The following ASTN2 variants were observed in gnomAD, a reference collection of about 807,000 sequenced individuals.
ASTN2 encodes the protein astrotactin 2, also known as astrotactin-2.
Under a neutral mutation model 139.8 loss-of-function variants are expected in ASTN2, and 54 were observed. The observed-to-expected ratio is 0.39, with a 90% CI of 0.31 to 0.48. The LOEUF (loss-of-function observed/expected upper bound fraction) is 0.48, where lower values mean the gene tolerates loss of function less well. ASTN2 is among the 20% of genes least tolerant of loss of function. The pLI, the probability that ASTN2 is intolerant of heterozygous loss-of-function variation, is 0.95. For missense variants in ASTN2, 1,565 were observed against 1,725.1 expected, an observed-to-expected ratio of 0.91 and a Z score of 1.64; for synonymous variants, 756 against 719.5, an observed-to-expected ratio of 1.05 and a Z score of -0.81.
chr9:116,731,188 TAATAA>T (rs1370134476), intron 14 of ASTN2, among the ~76,000 whole-genome samples: 1 of 25,672 alleles, frequency 3.9e-5, no homozygotes, highest in Non-Finnish European at 8.1e-5. Context: ...GTAATAATAA[TAATAA>T]TAATAATAAT....
chr9:116,815,342 G>T (rs942139233), intron 12 of ASTN2, among the ~76,000 whole-genome samples: 1 of 152,240 alleles, frequency 6.6e-6, no homozygotes, highest in African/African-American at 2.4e-5. Context: ...GGCTGGATGT[G>T]TTATTTGAGC....
At chr9:117,384,473 C>A (rs945620000) in intron 1 of ASTN2, among the ~76,000 whole-genome samples, 3 of 152,152 alleles carry the variant, frequency 2.0e-5, no homozygotes, top group African/African-American at 7.2e-5. Flanking sequence ...TGATACGAGT[C>A]CCTTCCCACC....
intron 4 of ASTN2, among the ~76,000 whole-genome samples, chr9:117,140,990 C>T (rs1025408715): frequency 2.6e-5 from 4 of 152,178 alleles, no homozygotes; most frequent in African/African-American, 9.7e-5. Context: ...GAATGTTCTG[C>T]CACTTTGTAC....
chr9:116,855,773 C>T (rs1832723540), intron 11 of ASTN2, among the ~76,000 whole-genome samples: 2 of 152,144 alleles, frequency 1.3e-5, no homozygotes. Flanking sequence ...TACTTTCTGA[C>T]TCTATTTCCT....
In ASTN2 at chr9:117,094,214, G is replaced by A. The variant is rs373509066; in HGVS notation, c.1276+1830C>T. On this transcript the variant is annotated intron_variant, in intron 5 of 22. Transcript: ENST00000313400. Reference sequence around the variant, plus strand: ...GAGGAGAGGAGAGGAGAGGAGAGGAGAGGAAAGGAAAGAGGGAAGAAGGGA... The same window carrying A: ...GAGGAGAGGAGAGGAGAGGAGAGGAAAGGAAAGGAAAGAGGGAAGAAGGGA... Among the ~76,000 whole-genome samples the A allele has an allele frequency of 6.2e-3, 551 of 88,260 alleles. 4 individuals are homozygous for A. Among genetic ancestry groups the A allele is most frequent in the African/African-American group, 0.018 (472 of 26,768 alleles). The allele number at this position is 88,260 out of a possible 152,430, so 57.9% of individuals were successfully genotyped here. A position where few individuals can be genotyped will look rare whatever the true frequency, so the allele number is the denominator to read the frequency against.
chr9:116,648,090 C>A (rs945689912), intron 17 of ASTN2, among the ~76,000 whole-genome samples: 4 of 151,790 alleles, frequency 2.6e-5, no homozygotes, highest in African/African-American at 9.7e-5. Flanking sequence ...GAACCACTGC[C>A]TCTCGGGTTC....
chr9:116,423,344 A>G lies in ASTN2; in HGVS notation c.*2507T>C, dbSNP rs16933531. Among the ~76,000 whole-genome samples the G allele has an allele frequency of 2.6e-3, 390 of 152,330 alleles. No individual in the cohort carries two copies. Among genetic ancestry groups the G allele is most frequent in the African/African-American group, 8.8e-3 (365 of 41,590 alleles). ...GACCAGCATTGACTCCACTTTGTTG[A>G]TGAGAAACCTGATGTCAAGTTACTC... is the stretch of plus-strand genomic sequence containing the variant. On this transcript the variant is annotated 3_prime_UTR_variant, in exon 23 of 23. Coordinates refer to ENST00000313400, the MANE Select transcript of ASTN2 (RefSeq NM_001365068.1).
At chr9:117,305,810 A>G (rs577525576) in intron 1 of ASTN2, among the ~76,000 whole-genome samples, 1 of 152,350 alleles carries the variant, frequency 6.6e-6, no homozygotes, top group South Asian at 2.1e-4. Context: ...CATTCCCATG[A>G]CTTAAGGATA....
intron 10 of ASTN2, among the ~76,000 whole-genome samples, chr9:116,938,005 T>C (rs973297565): frequency 6.6e-6 from 1 of 152,210 alleles, no homozygotes; most frequent in East Asian, 1.9e-4. Flanking sequence ...CTTTGTGAGA[T>C]AGGCATTGAT....
chr9:117,001,741 C>A (rs956447817), intron 7 of ASTN2, among the ~76,000 whole-genome samples: 1 of 152,158 alleles, frequency 6.6e-6, no homozygotes, highest in African/African-American at 2.4e-5. Context: ...CTCCTGAAAT[C>A]CCCATCTAGA....
intron 11 of ASTN2, among the ~76,000 whole-genome samples, chr9:116,845,364 C>T (rs1414102585): frequency 6.6e-6 from 1 of 152,114 alleles, no homozygotes; most frequent in Non-Finnish European, 1.5e-5. Flanking sequence ...CGTGATCCGC[C>T]CGCCTCGGCC....
chr9:117,399,278 TG>T (rs1163438316), intron 1 of ASTN2, among the ~76,000 whole-genome samples: 3 of 152,254 alleles, frequency 2.0e-5, no homozygotes, highest in East Asian at 1.9e-4. Context: ...ATAACTGTTT[TG>T]GGGGGAGCCA....
At chr9:116,691,015 G>C (rs1860539416) in intron 16 of ASTN2, among the ~76,000 whole-genome samples, 1 of 152,194 alleles carries the variant, frequency 6.6e-6, no homozygotes, top group African/African-American at 2.4e-5. Flanking sequence ...AACCTCCTAG[G>C]CTCAAGTGAT....
At chr9:117,412,946 TTGTG>T (rs1472450612) in intron 1 of ASTN2, among the ~76,000 whole-genome samples, 1 of 151,988 alleles carries the variant, frequency 6.6e-6, no homozygotes, top group Non-Finnish European at 1.5e-5. Flanking sequence ...AGCTACTGGT[TTGTG>T]TGTGTCTGTG....
At chr9:117,027,880 T>A (rs1266141583) in intron 6 of ASTN2, among the ~76,000 whole-genome samples, 1 of 152,182 alleles carries the variant, frequency 6.6e-6, no homozygotes, top group African/African-American at 2.4e-5. Flanking sequence ...ACTCTCTATT[T>A]CACCCTCACC....
chr9:117,414,449 G>A lies in ASTN2; in HGVS notation c.442+48C>T. On this transcript the variant is annotated intron_variant, in intron 1 of 22. Transcript: ENST00000313400. The surrounding 1 kb of genome is among the most constrained non-coding windows in gnomAD (Gnocchi z 4.2). ...CCCCCACCCGTCCGGCATGACGCAG[G>A]GGCTCGGGGTTCCTTGGGATCTAGC... is the stretch of plus-strand genomic sequence containing the variant. 3 of 1,599,460 alleles carry A rather than the reference G, an allele frequency of 1.9e-6. No individual in the cohort carries two copies. In the South Asian group the frequency reaches 3.3e-5, roughly 18 times the overall value.
At chr9:116,496,345 TA>T (rs1849668882) in intron 19 of ASTN2, among the ~76,000 whole-genome samples, 1 of 152,158 alleles carries the variant, frequency 6.6e-6, no homozygotes, top group African/African-American at 2.4e-5. Flanking sequence ...AGCACAAGCA[TA>T]AAGAACACTT....
chr9:116,935,751 G>A (rs1835049049), intron 10 of ASTN2, among the ~76,000 whole-genome samples: 1 of 152,090 alleles, frequency 6.6e-6, no homozygotes, highest in Admixed American at 6.6e-5. Context: ...CCTGAACTTG[G>A]GGGTATGTTT....
At chr9:116,771,148 C>T (rs1276461279) in intron 13 of ASTN2, among the ~76,000 whole-genome samples, 1 of 152,210 alleles carries the variant, frequency 6.6e-6, no homozygotes, top group Admixed American at 6.5e-5. Flanking sequence ...GAAACCTTCT[C>T]AGGTAGTCTG....
Sources: gnomAD v4.1 joint callset for allele counts (sites outside exome capture counted in the v4.1 genomes callset) on GRCh38, gnomAD v4.1.1 for gene constraint, Gnocchi (gnomAD v3.1) non-coding constraint, MANE v1.5 for transcripts, NCBI Gene and HGNC (gene_info 2026-07-23, HGNC 2026-07-21) for gene names.